The following CSAD variants were observed in gnomAD, a reference collection of about 807,000 sequenced individuals.
CSAD encodes the protein cysteine sulfinic acid decarboxylase.
In CSAD, 47 loss-of-function variants were observed where a neutral mutation model predicts 61.5. That is an observed-to-expected ratio of 0.76 (90% CI 0.60 to 0.97). CSAD has a LOEUF of 0.97. Among genes scored for constraint, CSAD ranks in the 50% least tolerant of loss-of-function variants. The pLI is 0.00. For synonymous variants in CSAD, 245 were observed against 252.7 expected (o/e 0.97, Z 0.29); for missense variants, 611 against 643.6 (o/e 0.95, Z 0.55).
At position 53,179,144 on chromosome 12, in the gene CSAD, TGCCC is replaced by T. The variant is rs1289046288; in HGVS notation, c.-90-6_-90-3del. The T allele has an allele frequency of 6.6e-6, 1 of 152,378 alleles. No individual in the cohort carries two copies. The highest frequency in any genetic ancestry group is 2.4e-5 in the African/African-American group (1 of 41,452). The allele number at this position is 152,378 out of a possible 1,614,324, so 9.4% of individuals were successfully genotyped here. A position where few individuals can be genotyped will look rare whatever the true frequency, so the allele number is the denominator to read the frequency against. ...CTGGGATTACAGGTGTGAGCCACCC[TGCCC>T]GGAGCAAAAAGATAACTATTTAAGG... On this transcript the variant is annotated splice_region_variant and splice_polypyrimidine_tract_variant and intron_variant, in intron 1 of 16. Coordinates refer to ENST00000444623, the MANE Select transcript of CSAD (RefSeq NM_001244705.2).
intron 8 of CSAD, chr12:53,170,933 G>A: frequency 5.1e-6 from 2 of 390,594 alleles, no homozygotes; most frequent in South Asian, 4.2e-5. Context: ...GTTTCCCAGG[G>A]TGGTATCAAA....
rs773159049 is a variant in CSAD, at chr12:53,160,265, T to A, written c.1021A>T (p.Lys341Ter). ...SQASYLFQQD[K>*]FYDVALDTGD... ...GTGTCCAGAGCCACATCGTAGAACT[T>A]GTCCTGCTGGAAAAGGTAGCTGGCC... The change falls in exon 14 of 17, where the codon AAG (lysine) becomes TAG (stop). Residue 341 changes from lysine to a stop codon, truncating the protein, a stop_gained. Coordinates refer to ENST00000444623, the MANE Select transcript of CSAD (RefSeq NM_001244705.2). LOFTEE classifies it high-confidence loss of function. 17 of 1,614,114 alleles carry A rather than the reference T, an allele frequency of 1.1e-5. No homozygotes were observed. In the Admixed American group the frequency reaches 2.8e-4, roughly 27 times the overall value.
At chr12:53,165,068 CA>C (rs1286604879) in intron 10 of CSAD, among the ~76,000 whole-genome samples, 2 of 152,202 alleles carry the variant, frequency 1.3e-5, no homozygotes, top group African/African-American at 4.8e-5. Context: ...CCTGTAATCC[CA>C]GTACTGTTGA....
Position 53,171,872 on chromosome 12 carries a change from T to A in CSAD, c.451+10A>T. Reference sequence around the variant, plus strand: ...AAGGGCAAAGAAAGGTCCTCCTCCTTCTCACAAACCAGGGCAGAAGATTCC... The same window carrying A: ...AAGGGCAAAGAAAGGTCCTCCTCCTACTCACAAACCAGGGCAGAAGATTCC... On this transcript the variant is annotated intron_variant, in intron 7 of 16. Coordinates refer to ENST00000444623, the MANE Select transcript of CSAD (RefSeq NM_001244705.2). 1 of 1,594,122 alleles carries A rather than the reference T, an allele frequency of 6.3e-7. No homozygotes were observed. Among genetic ancestry groups the A allele is most frequent in the African/African-American group, 1.3e-5 (1 of 74,558 alleles).
chr12:53,171,105 G>C (rs967608436), intron 8 of CSAD: 3 of 692,456 alleles, frequency 4.3e-6, no homozygotes, highest in Non-Finnish European at 7.8e-6. Context: ...AGTATGGACT[G>C]TGTCCACTGC....
At chr12:53,172,757 G>A (rs1169623245) in intron 4 of CSAD, 109 bp from the exon 5 acceptor site, 21 of 1,244,208 alleles carry the variant, frequency 1.7e-5, no homozygotes, top group South Asian at 9.3e-5. Flanking sequence ...AAACAACTTC[G>A]GGATATTTCC....
chr12:53,159,453 G>A (rs904861371), intron 16 of CSAD, 170 bp downstream of exon 16: 1 of 621,888 alleles, frequency 1.6e-6, no homozygotes, highest in Non-Finnish European at 2.9e-6. Context: ...TTACTTCCCA[G>A]AAACATACCT....
intron 16 of CSAD, among the ~76,000 whole-genome samples, chr12:53,159,014 A>G (rs1938914270): frequency 6.6e-6 from 1 of 152,194 alleles, no homozygotes; most frequent in African/African-American, 2.4e-5. Flanking sequence ...TCTAAGCCTT[A>G]GTCAACACCT....
rs1283377571 is a variant in CSAD, at chr12:53,179,880, G to C, written c.-90-738C>G. The C allele has an allele frequency of 1.9e-6, 3 of 1,610,786 alleles. No homozygotes were observed. The African/African-American group carries it at 4.0e-5, about 22-fold the overall frequency. On this transcript the variant is annotated intron_variant, in intron 1 of 16. Coordinates refer to ENST00000444623, the MANE Select transcript of CSAD (RefSeq NM_001244705.2). ...CTCTAATGGCTAAGGCTAGGCAGAA[G>C]AATTTGAAGACAGTCTGGTTTCCAT... is the stretch of plus-strand genomic sequence containing the variant.
rs71455240 is a variant in CSAD at position 53,158,076 on chromosome 12, G to C, written c.*435C>G. The stretch of plus-strand genomic sequence containing the variant: ...TCTCCTAAAATCAAATATTTAGTTA[G>C]GAGAAAGTTAGTAGGTCAAAGCATA... On this transcript the variant is annotated 3_prime_UTR_variant, in exon 17 of 17. Coordinates refer to ENST00000444623, the MANE Select transcript of CSAD (RefSeq NM_001244705.2). The C allele has an allele frequency of 0.024, 3,610 of 152,538 alleles. 62 individuals carry two copies. The highest frequency in any genetic ancestry group is 0.031 in the Non-Finnish European group (2,142 of 68,254). The allele number at this position is 152,538 out of a possible 1,614,324, so 9.4% of individuals were successfully genotyped here.
At chr12:53,165,619 C>T (rs1350363849) in intron 10 of CSAD, among the ~76,000 whole-genome samples, 1 of 143,622 alleles carries the variant, frequency 7.0e-6, no homozygotes, top group Non-Finnish European at 1.5e-5. Context: ...GCCGAGATCA[C>T]GACACTGCAC....
At chr12:53,171,635 T>G in intron 7 of CSAD, 194 bp from the exon 8 acceptor site, 1 of 637,592 alleles carries the variant, frequency 1.6e-6, no homozygotes, top group Admixed American at 2.9e-5. Context: ...CCTCTCCACA[T>G]CTGGGGCTGC....
intron 16 of CSAD, 153 bp downstream of exon 16, chr12:53,159,470 C>T: frequency 3.1e-6 from 2 of 642,978 alleles, no homozygotes; most frequent in South Asian, 3.8e-5. Flanking sequence ...ACCTTCCTCC[C>T]CATCCCCACC....
At chr12:53,174,614 C>T (rs1397388293) in intron 2 of CSAD, among the ~76,000 whole-genome samples, 2 of 151,828 alleles carry the variant, frequency 1.3e-5, no homozygotes, top group Non-Finnish European at 2.9e-5. Flanking sequence ...GCCAACATGG[C>T]GAAACCTCAT....
intron 2 of CSAD, among the ~76,000 whole-genome samples, chr12:53,178,784 CA>C (rs200727143): frequency 0.06 from 8,901 of 148,830 alleles, 356 homozygotes; most frequent in East Asian, 0.17. Context: ...GACTCCATCT[CA>C]AAAAAAAATA....
chr12:53,180,619 C>A, intron 1 of CSAD, 113 bp downstream of exon 1: 1 of 1,283,804 alleles, frequency 7.8e-7, no homozygotes. Context: ...AGGCTGCCCC[C>A]GCTAGTCTAG....
intron 7 of CSAD, 86 bp from the exon 8 acceptor site, chr12:53,171,527 C>A (rs565257785): frequency 1.5e-6 from 2 of 1,336,076 alleles, no homozygotes; most frequent in South Asian, 2.5e-5. Context: ...ACCAGAAGAG[C>A]TCATCAAAGA....
intron 7 of CSAD, 77 bp from the exon 8 acceptor site, chr12:53,171,518 C>T (rs919583708): frequency 5.0e-5 from 70 of 1,398,030 alleles, no homozygotes; most frequent in Middle Eastern, 4.2e-4. Context: ...TCCCTTTCTA[C>T]CAGAAGAGCT....
chr12:53,176,107 A>AG (rs199716919), intron 2 of CSAD, among the ~76,000 whole-genome samples: 2,979 of 145,596 alleles, frequency 0.02, 78 homozygotes, highest in African/African-American at 0.058. Context: ...GAATACAAGA[A>AG]GGGGGGGTGA....
Sources: gnomAD v4.1 joint callset for allele counts (sites outside exome capture counted in the v4.1 genomes callset) on GRCh38, gnomAD v4.1.1 for gene constraint, MANE v1.5 for transcripts, NCBI Gene and HGNC (gene_info 2026-07-23, HGNC 2026-07-21) for gene names.